The following RBMS1 variants were observed in gnomAD, a reference collection of about 807,000 sequenced individuals.
RBMS1 encodes RNA binding motif single stranded interacting protein 1, also known as RNA-binding motif, single-stranded-interacting protein 1.
In RBMS1, 17 loss-of-function variants were observed where a neutral mutation model predicts 62.3. The observed-to-expected ratio is 0.27, with a 90% CI of 0.19 to 0.41. The LOEUF is 0.41. RBMS1 is among the 10% of genes least tolerant of loss of function. The pLI is 1.00. For missense variants in RBMS1, 334 were observed against 504.5 expected, an observed-to-expected ratio of 0.66 and a Z score of 3.24; for synonymous variants, 172 against 170.0, an observed-to-expected ratio of 1.01 and a Z score of -0.09.
At chr2:160,444,511 T>C (rs1269165420) in intron 1 of RBMS1, among the ~76,000 whole-genome samples, 1 of 152,238 alleles carries the variant, frequency 6.6e-6, no homozygotes, top group Non-Finnish European at 1.5e-5. Context: ...GCTGTGAAAT[T>C]ACTATCGCTA....
chr2:160,384,498 C>A (rs1170016749), intron 1 of RBMS1, among the ~76,000 whole-genome samples: 1 of 152,154 alleles, frequency 6.6e-6, no homozygotes, highest in Non-Finnish European at 1.5e-5. Flanking sequence ...AATAACCAAA[C>A]AATTTCTTTG....
At chr2:160,468,424 A>G (rs1253452884) in intron 1 of RBMS1, among the ~76,000 whole-genome samples, 4 of 152,210 alleles carry the variant, frequency 2.6e-5, no homozygotes, top group African/African-American at 9.6e-5. Context: ...TTAGACAGGT[A>G]AATGCACCCT....
At chr2:160,322,555 C>T (rs62177267) in intron 2 of RBMS1, among the ~76,000 whole-genome samples, 11,624 of 152,294 alleles carry the variant, frequency 0.076, 625 homozygotes, top group South Asian at 0.19. Context: ...TGTGATTTCA[C>T]AGAACATCAG....
intron 1 of RBMS1, among the ~76,000 whole-genome samples, chr2:160,417,063 A>G (rs1228319021): frequency 6.6e-6 from 1 of 152,198 alleles, no homozygotes; most frequent in Non-Finnish European, 1.5e-5. Context: ...TAACAATTTA[A>G]CTTAACCTAA....
At chr2:160,439,943 C>T (rs2105301405) in intron 1 of RBMS1, among the ~76,000 whole-genome samples, 1 of 152,056 alleles carries the variant, frequency 6.6e-6, no homozygotes, top group South Asian at 2.1e-4. Flanking sequence ...CAATCGCAGG[C>T]ACTCGGCAAG....
intron 2 of RBMS1, among the ~76,000 whole-genome samples, chr2:160,340,364 A>C (rs1691805867): frequency 6.6e-6 from 1 of 152,114 alleles, no homozygotes; most frequent in Non-Finnish European, 1.5e-5. Context: ...ACTCTGGAAG[A>C]CTTTAGAAGG....
intron 1 of RBMS1, among the ~76,000 whole-genome samples, chr2:160,398,358 T>C (rs1695253685): frequency 6.6e-6 from 1 of 152,268 alleles, no homozygotes; most frequent in African/African-American, 2.4e-5. Context: ...AGAATGAAAT[T>C]TGCCATATAA....
At chr2:160,321,589 A>G (rs761674763) in intron 2 of RBMS1, among the ~76,000 whole-genome samples, 1 of 152,130 alleles carries the variant, frequency 6.6e-6, no homozygotes, top group Non-Finnish European at 1.5e-5. Flanking sequence ...CCAGTGAAAT[A>G]TTTAAGTAGT....
chr2:160,477,863 A>G (rs1685207850), intron 1 of RBMS1, among the ~76,000 whole-genome samples: 1 of 152,246 alleles, frequency 6.6e-6, no homozygotes, highest in Non-Finnish European at 1.5e-5. Flanking sequence ...CCCATCTTTC[A>G]CCATTGAAAA....
chr2:160,418,588 G>C (rs1696294934), intron 1 of RBMS1, among the ~76,000 whole-genome samples: 1 of 152,140 alleles, frequency 6.6e-6, no homozygotes, highest in Non-Finnish European at 1.5e-5. Context: ...CTTCATATTT[G>C]TTCAGGAACT....
At chr2:160,298,653 C>T (rs1256769103) in intron 6 of RBMS1, among the ~76,000 whole-genome samples, 1 of 152,074 alleles carries the variant, frequency 6.6e-6, no homozygotes, top group Non-Finnish European at 1.5e-5. Context: ...ATACATACAG[C>T]AGACAGACAC....
intron 2 of RBMS1, among the ~76,000 whole-genome samples, chr2:160,337,135 C>CTTTTT (rs768216149): frequency 1.5e-5 from 2 of 136,398 alleles, no homozygotes; most frequent in Non-Finnish European, 1.6e-5. Flanking sequence ...TTTTTCTTTT[C>CTTTTT]TTTTTTTTTT....
At chr2:160,282,762 T>C (rs1688171047) in intron 9 of RBMS1, 2 of 153,672 alleles carry the variant, frequency 1.3e-5, no homozygotes, top group Admixed American at 1.3e-4. Context: ...TCTGAAAACC[T>C]AATTAGGGAA....
intron 2 of RBMS1, among the ~76,000 whole-genome samples, chr2:160,356,498 C>T (rs1181949123): frequency 6.7e-6 from 1 of 150,226 alleles, no homozygotes; most frequent in Non-Finnish European, 1.5e-5. Context: ...ATTCAGGGTA[C>T]ACTTGGAGAG....
intron 1 of RBMS1, among the ~76,000 whole-genome samples, chr2:160,461,285 A>G (rs909700034): frequency 3.9e-5 from 6 of 152,020 alleles, no homozygotes; most frequent in African/African-American, 1.2e-4. Flanking sequence ...GAGAGAAAGA[A>G]AGAGAGAAAG....
At position 160,493,429 on chromosome 2, in the gene RBMS1, C is replaced by T; in HGVS notation, c.-66G>A. ...TTGGGGTTTCCAAGTCTCGGGCTCT[C>T]CTGCCTCTCCCTTTCCGGCGGCGGC... On this transcript the variant is annotated 5_prime_UTR_variant, in exon 1 of 14. Coordinates refer to ENST00000348849, the MANE Select transcript of RBMS1 (RefSeq NM_016836.4). 1.3e-6 allele frequency: 2 copies of T among 1,486,942 alleles called. No homozygotes were observed. The highest frequency in any genetic ancestry group is 2.3e-5 in the South Asian group (2 of 88,050). The allele number at this position is 1,486,942 out of a possible 1,614,324, so 92.1% of individuals were successfully genotyped here.
intron 3 of RBMS1, among the ~76,000 whole-genome samples, chr2:160,317,958 C>T (rs1390508459): frequency 6.6e-6 from 1 of 152,090 alleles, no homozygotes; most frequent in East Asian, 1.9e-4. Context: ...GGAATTCTGG[C>T]AAACTGCTAG....
At chr2:160,485,216 C>G (rs1339291914) in intron 1 of RBMS1, among the ~76,000 whole-genome samples, 1 of 152,156 alleles carries the variant, frequency 6.6e-6, no homozygotes, top group Non-Finnish European at 1.5e-5. Context: ...CAGGGGACCC[C>G]CAGAGGAAGC....
At chr2:160,476,593 C>T (rs1005520782) in intron 1 of RBMS1, among the ~76,000 whole-genome samples, 24 of 127,990 alleles carry the variant, frequency 1.9e-4, no homozygotes. Flanking sequence ...CTCGCTCTGT[C>T]GCCCAGGCTG....
Sources: allele counts gnomAD v4.1 joint callset (sites outside exome capture counted in the v4.1 genomes callset), GRCh38; gene constraint gnomAD v4.1.1; transcripts MANE v1.5; gene names NCBI Gene and HGNC (gene_info 2026-07-23, HGNC 2026-07-21).